Variants in ERAP1 observed in about 807,000 individuals in gnomAD.
The protein encoded by ERAP1 is adipocyte-derived leucine aminopeptidase.
In ERAP1, 86 loss-of-function variants were observed where a neutral mutation model predicts 103.7. That is an observed-to-expected ratio of 0.83 (90% CI 0.70 to 0.99). The LOEUF is 0.99. ERAP1 is among the 50% of genes least tolerant of loss of function. The pLI, the probability that ERAP1 is intolerant of heterozygous loss-of-function variation, is 0.00. For missense variants in ERAP1, 1,009 were observed against 1,128.4 expected (o/e 0.89, Z 1.52); for synonymous variants, 398 against 402.4 (o/e 0.99, Z 0.13).
chr5:96,884,654 T>C, the ERAP1 span, among the ~76,000 whole-genome samples: 1 of 151,986 alleles, frequency 6.6e-6, no homozygotes, highest in Non-Finnish European at 1.5e-5. Flanking sequence ...GCCTCCTGGG[T>C]TCAAGCAATT....
At chr5:96,902,483 C>T in the ERAP1 span, 1 of 587,468 alleles carries the variant, frequency 1.7e-6, no homozygotes, top group Non-Finnish European at 3.0e-6. Flanking sequence ...TGTCATTTAT[C>T]CATATGTTAC....
At chr5:96,879,069 G>A in the ERAP1 span, among the ~76,000 whole-genome samples, 1 of 151,998 alleles carries the variant, frequency 6.6e-6, no homozygotes, top group Non-Finnish European at 1.5e-5. Flanking sequence ...CTACAAAAAA[G>A]GTAGCCGAGT....
the ERAP1 span, among the ~76,000 whole-genome samples, chr5:96,869,586 G>A: frequency 6.6e-6 from 1 of 152,168 alleles, no homozygotes; most frequent in Non-Finnish European, 1.5e-5. Flanking sequence ...AAGGGCTTGG[G>A]GTTTTTTGCT....
the ERAP1 span, among the ~76,000 whole-genome samples, chr5:96,831,082 A>G: frequency 2.0e-5 from 3 of 152,200 alleles, no homozygotes; most frequent in Non-Finnish European, 4.4e-5. Flanking sequence ...TAATTGGCTC[A>G]TGGTTCTTCA....
At chr5:96,934,590 G>C in the ERAP1 span, 1 of 152,300 alleles carries the variant, frequency 6.6e-6, no homozygotes, top group Non-Finnish European at 1.5e-5. Context: ...GTTTCAAGTA[G>C]AGCGTGCGTT....
chr5:96,928,928 T>C, the ERAP1 span, among the ~76,000 whole-genome samples: 1 of 152,266 alleles, frequency 6.6e-6, no homozygotes, highest in African/African-American at 2.4e-5. Context: ...AGAGGCAAAA[T>C]GGCATACAAC....
At chr5:96,773,760 A>G (rs1225896562), downstream of ERAP1, 1 of 152,346 alleles carries the variant, frequency 6.6e-6, no homozygotes, top group Non-Finnish European at 1.5e-5. Context: ...ATTTAATTTC[A>G]TCTTTATTTC....
chr5:96,921,384 T>C, the ERAP1 span, among the ~76,000 whole-genome samples: 1 of 152,240 alleles, frequency 6.6e-6, no homozygotes, highest in African/African-American at 2.4e-5. Flanking sequence ...GAAACCATAA[T>C]CATTTATTTT....
chr5:96,846,134 T>C, the ERAP1 span, among the ~76,000 whole-genome samples: 3 of 152,188 alleles, frequency 2.0e-5, no homozygotes, highest in African/African-American at 7.2e-5. Context: ...AGTTGCCCCA[T>C]GATTGTAATG....
chr5:96,932,495 T>G, the ERAP1 span, among the ~76,000 whole-genome samples: 14 of 152,344 alleles, frequency 9.2e-5, no homozygotes, highest in Non-Finnish European at 1.8e-4. Flanking sequence ...ATTCTTTTCG[T>G]GGATTTTTGT....
rs1777427902 is a variant in ERAP1 at position 96,797,118 on chromosome 5, C to G, written c.798+57G>C. 11 of 1,611,572 alleles carry G rather than the reference C, an allele frequency of 6.8e-6. No homozygotes were observed. The South Asian group carries it at 1.2e-4, about 18-fold the overall frequency. ...CTCAGGCAGACTTCCAGTTTTAAAA[C>G]CAGTTCCAAGCAAACCAGAACAAGC... On this transcript the variant is annotated intron_variant, in intron 4 of 18. Coordinates refer to ENST00000443439, the MANE Select transcript of ERAP1 (RefSeq NM_001040458.3).
chr5:96,846,861 T>C, the ERAP1 span, among the ~76,000 whole-genome samples: 1 of 152,004 alleles, frequency 6.6e-6, no homozygotes, highest in African/African-American at 2.4e-5. Context: ...CTGGAACAAA[T>C]TGTGAACTGA....
At chr5:96,820,825 C>T in the ERAP1 span, among the ~76,000 whole-genome samples, 1 of 152,178 alleles carries the variant, frequency 6.6e-6, no homozygotes, top group South Asian at 2.1e-4. Flanking sequence ...GTAATAACTT[C>T]TAATTTGTTT....
chr5:96,895,649 T>C, the ERAP1 span, among the ~76,000 whole-genome samples: 6 of 152,298 alleles, frequency 3.9e-5, no homozygotes, highest in Admixed American at 3.3e-4. Context: ...ACTGTTTGTA[T>C]ACATCTGCAC....
chr5:96,878,536 G>A, the ERAP1 span, among the ~76,000 whole-genome samples: 54,172 of 151,988 alleles, frequency 0.36, 10,350 homozygotes, highest in East Asian at 0.5. Flanking sequence ...ATGTGTGCCT[G>A]TGGTTCCAGC....
chr5:96,840,146 G>A, the ERAP1 span, among the ~76,000 whole-genome samples: 5,281 of 152,238 alleles, frequency 0.035, 191 homozygotes, highest in East Asian at 0.12. Flanking sequence ...CTGCTTTTAA[G>A]CATTCCTAAG....
At chr5:96,808,183 GATCCGTGTGTGTGTGTGTGTGT>G (rs1294665743), upstream of ERAP1, 2 of 920,586 alleles carry the variant, frequency 2.2e-6, no homozygotes, top group Non-Finnish European at 2.5e-6. Flanking sequence ...TCTGAACGCG[GATCCGTGTGTGTGTGTGTGTGT>G]GTGTGTGTGT....
the ERAP1 span, among the ~76,000 whole-genome samples, chr5:96,855,677 C>T: frequency 6.6e-6 from 1 of 152,190 alleles, no homozygotes; most frequent in South Asian, 2.1e-4. Context: ...TGCAGCGGAA[C>T]TTTGGCCACC....
At chr5:96,879,616 GC>G in the ERAP1 span, 148 of 1,263,676 alleles carry the variant, frequency 1.2e-4, no homozygotes, top group Non-Finnish European at 1.6e-4. Flanking sequence ...CATAACTGGA[GC>G]CAGTGCAGTG....
Sources: allele counts gnomAD v4.1 joint callset (sites outside exome capture counted in the v4.1 genomes callset), GRCh38; gene constraint gnomAD v4.1.1; transcripts MANE v1.5; gene names NCBI Gene and HGNC (gene_info 2026-07-23, HGNC 2026-07-21).